APBA2: variants seen among roughly 807,000 people sequenced by gnomAD.
The protein encoded by APBA2 is amyloid-beta A4 precursor protein-binding family A member 2.
A neutral mutation model predicts 75.0 loss-of-function variants in APBA2; 30 were observed. That is an observed-to-expected ratio of 0.40 (90% CI 0.30 to 0.54). The LOEUF (loss-of-function observed/expected upper bound fraction) is 0.54, where lower values mean the gene tolerates loss of function less well. Ranked by LOEUF, APBA2 falls within the 20% of genes least tolerant of loss-of-function variation. The pLI is 0.49. For missense variants in APBA2, 801 were observed against 1,016.1 expected, an observed-to-expected ratio of 0.79 and a Z score of 2.88; for synonymous variants, 444 against 409.6, an observed-to-expected ratio of 1.08 and a Z score of -1.01.
chr15:28,972,313 A>G (rs74463207), intron 2 of APBA2, among the ~76,000 whole-genome samples: 3,381 of 152,300 alleles, frequency 0.022, 157 homozygotes, highest in East Asian at 0.17. Flanking sequence ...AGTCAAGAAA[A>G]CTTTCCTAAA....
At chr15:28,966,586 G>T (rs1272726308) in intron 2 of APBA2, among the ~76,000 whole-genome samples, 12 of 152,102 alleles carry the variant, frequency 7.9e-5, no homozygotes, top group Admixed American at 6.5e-5. Context: ...TGTTTGAAAT[G>T]AGTTTCTTGT....
At chr15:29,100,162 T>C (rs539203260) in intron 9 of APBA2, among the ~76,000 whole-genome samples, 3 of 152,174 alleles carry the variant, frequency 2.0e-5, no homozygotes, top group African/African-American at 4.8e-5. Context: ...CTGCCATTGA[T>C]AGGAGCTGGG....
intron 8 of APBA2, among the ~76,000 whole-genome samples, chr15:29,096,307 T>C (rs1273052233): frequency 6.6e-6 from 1 of 152,178 alleles, no homozygotes; most frequent in Non-Finnish European, 1.5e-5. Context: ...CCTGCCCTGT[T>C]ACTGATGGGT....
chr15:29,091,439 C>G (rs115362836), intron 6 of APBA2, among the ~76,000 whole-genome samples: 3,464 of 152,202 alleles, frequency 0.023, 138 homozygotes, highest in African/African-American at 0.08. Context: ...GAGGGAGGGG[C>G]AGCCAGGAGT....
chr15:28,934,949 G>A lies in APBA2; in HGVS notation c.-95+13200G>A, dbSNP rs8032362. On this transcript the variant is annotated intron_variant, in intron 2 of 14. Coordinates refer to ENST00000683413, the MANE Select transcript of APBA2 (RefSeq NM_001353788.2). Reference sequence around the variant, plus strand: ...GTCCTCTGCTCTGTTGTACTGACACGCTGCGTGCTTATGAAATGAGGGCAG... The same window carrying A: ...GTCCTCTGCTCTGTTGTACTGACACACTGCGTGCTTATGAAATGAGGGCAG... Among the ~76,000 whole-genome samples the A allele has an allele frequency of 6.0e-3, 920 of 152,304 alleles. 6 individuals are homozygous for A. Among genetic ancestry groups the A allele is most frequent in the African/African-American group, 0.021 (878 of 41,558 alleles).
intron 4 of APBA2, among the ~76,000 whole-genome samples, chr15:29,064,240 C>A (rs1284007320): frequency 6.6e-6 from 1 of 152,152 alleles, no homozygotes; most frequent in Non-Finnish European, 1.5e-5. Context: ...CTCTCTTAAC[C>A]TTGGGCACCT....
At chr15:28,901,430 A>G (rs1341534942) in intron 1 of APBA2, among the ~76,000 whole-genome samples, 4 of 151,814 alleles carry the variant, frequency 2.6e-5, no homozygotes, top group Non-Finnish European at 5.9e-5. Context: ...TGGCATTTGC[A>G]CTATGGAAAG....
intron 1 of APBA2, among the ~76,000 whole-genome samples, chr15:28,897,889 A>G (rs1466955994): frequency 6.6e-6 from 1 of 152,168 alleles, no homozygotes; most frequent in Non-Finnish European, 1.5e-5. Flanking sequence ...ATGTTACTTT[A>G]TGTGGTAGTG....
chr15:29,093,692 T>G lies in APBA2; in HGVS notation c.1215+472T>G, dbSNP rs1179288035. On this transcript the variant is annotated intron_variant, in intron 7 of 14. Coordinates refer to ENST00000683413, the MANE Select transcript of APBA2 (RefSeq NM_001353788.2). ...CGGGTGAGGCCGGGCAAGGGGAAGATGAGGCCACGTCAGCAAAATTAAATG... is the reference window on the plus strand; with the variant it reads ...CGGGTGAGGCCGGGCAAGGGGAAGAGGAGGCCACGTCAGCAAAATTAAATG... Among the ~76,000 whole-genome samples the G allele has an allele frequency of 7.2e-5, 11 of 152,226 alleles. No homozygotes were observed. The East Asian group carries it at 2.1e-3, about 30-fold the overall frequency.
At chr15:28,995,407 G>A (rs368749828) in intron 2 of APBA2, among the ~76,000 whole-genome samples, 10 of 152,096 alleles carry the variant, frequency 6.6e-5, no homozygotes, top group Non-Finnish European at 1.0e-4. Context: ...CTGCAAACCC[G>A]TGGGGTCAAG....
chr15:29,111,645 A>G (rs926701169), intron 13 of APBA2, among the ~76,000 whole-genome samples: 2 of 151,978 alleles, frequency 1.3e-5, no homozygotes, highest in African/African-American at 2.4e-5. Context: ...CACCTGCTCC[A>G]TGAGTGCCCG....
At chr15:28,910,228 T>C (rs546417914) in intron 1 of APBA2, among the ~76,000 whole-genome samples, 2 of 152,282 alleles carry the variant, frequency 1.3e-5, no homozygotes, top group East Asian at 1.9e-4. Flanking sequence ...TTTAGGGCCA[T>C]GTACAGCAAA....
At chr15:29,008,737 A>T (rs2039255299) in intron 3 of APBA2, among the ~76,000 whole-genome samples, 1 of 152,176 alleles carries the variant, frequency 6.6e-6, no homozygotes, top group African/African-American at 2.4e-5. Flanking sequence ...AAATAAAAAA[A>T]TAAAAGCACA....
chr15:29,089,380 G>A (rs1178022441), intron 6 of APBA2, among the ~76,000 whole-genome samples: 2 of 152,184 alleles, frequency 1.3e-5, no homozygotes, highest in African/African-American at 4.8e-5. Flanking sequence ...TTGGGCATGA[G>A]GGCTGCACTC....
intron 3 of APBA2, among the ~76,000 whole-genome samples, chr15:29,036,008 C>T (rs1274086299): frequency 6.6e-6 from 1 of 152,186 alleles, no homozygotes; most frequent in African/African-American, 2.4e-5. Context: ...AGGGACTCCA[C>T]CGCTGGTGAC....
At chr15:28,933,279 C>G (rs2034660831) in intron 2 of APBA2, among the ~76,000 whole-genome samples, 1 of 152,232 alleles carries the variant, frequency 6.6e-6, no homozygotes, top group Non-Finnish European at 1.5e-5. Flanking sequence ...GATGGTGAAG[C>G]CCTCATAATG....
At chr15:29,112,663 G>A (rs1272643645) in intron 13 of APBA2, among the ~76,000 whole-genome samples, 1 of 152,016 alleles carries the variant, frequency 6.6e-6, no homozygotes, top group Non-Finnish European at 1.5e-5. Context: ...CCATTTTTCC[G>A]GTTTTTGTTT....
intron 4 of APBA2, among the ~76,000 whole-genome samples, chr15:29,057,391 G>T (rs377193293): frequency 6.6e-6 from 1 of 152,190 alleles, no homozygotes; most frequent in Admixed American, 6.5e-5. Flanking sequence ...GTGTGTCCTG[G>T]ATATTTTGAA....
intron 8 of APBA2, among the ~76,000 whole-genome samples, chr15:29,096,039 G>T (rs1406830191): frequency 6.6e-6 from 1 of 152,212 alleles, no homozygotes; most frequent in East Asian, 1.9e-4. Context: ...GCTCAAAAAG[G>T]CCTCTGCGGC....
Sources: gnomAD v4.1 joint callset for allele counts (sites outside exome capture counted in the v4.1 genomes callset) on GRCh38, gnomAD v4.1.1 for gene constraint, MANE v1.5 for transcripts, NCBI Gene and HGNC (gene_info 2026-07-23, HGNC 2026-07-21) for gene names.